SLC9C1: variants seen among roughly 807,000 people sequenced by gnomAD.
SLC9C1 encodes solute carrier family 9 member C1.
SLC9C1 carries 97 observed loss-of-function variants against 140.9 expected under a neutral mutation model. That is an observed-to-expected ratio of 0.69 (90% CI 0.58 to 0.82). The LOEUF (loss-of-function observed/expected upper bound fraction) is 0.82, where lower values mean the gene tolerates loss of function less well. Among genes scored for constraint, SLC9C1 ranks in the 40% least tolerant of loss-of-function variants. The pLI, the probability that SLC9C1 is intolerant of heterozygous loss-of-function variation, is 0.00. For missense variants in SLC9C1, 1,340 were observed against 1,389.3 expected, an observed-to-expected ratio of 0.96 and a Z score of 0.56; for synonymous variants, 440 against 442.6, an observed-to-expected ratio of 0.99 and a Z score of 0.07.
At chr3:112,222,207 T>C (rs1241745984) in intron 13 of SLC9C1, among the ~76,000 whole-genome samples, 2 of 152,188 alleles carry the variant, frequency 1.3e-5, no homozygotes, top group Admixed American at 1.3e-4. Flanking sequence ...CTGAAGATTA[T>C]ATGGATCTCG....
In SLC9C1 at chr3:112,180,661, T is replaced by C; in HGVS notation, c.2651A>G (p.Glu884Gly). 1 of 1,604,594 alleles carries C rather than the reference T, an allele frequency of 6.2e-7. No homozygotes were observed. The highest frequency in any genetic ancestry group is 8.5e-7 in the Non-Finnish European group (1 of 1,173,440). Residue 884 changes from glutamate to glycine, a missense_variant and splice_region_variant, in exon 22 of 29, where the codon GAA becomes GGA. Glu to Gly is a moderately conservative substitution (Grantham distance 98). Coordinates refer to ENST00000305815, the MANE Select transcript of SLC9C1 (RefSeq NM_183061.3). ...ATCAAATGTTACAACTTTGGCTTTT[T>C]CCTAAAAGATACCACCAAATACATA... ...KNKDYINFIQEKAKVVTFDCG... is the reference protein window; with the variant it reads ...KNKDYINFIQGKAKVVTFDCG...
intron 1 of SLC9C1, among the ~76,000 whole-genome samples, chr3:112,293,217 A>G (rs2080739357): frequency 6.6e-6 from 1 of 151,976 alleles, no homozygotes; most frequent in Non-Finnish European, 1.5e-5. Flanking sequence ...CAGAGATTGC[A>G]GTGAGCCTAG....
At chr3:112,225,500 A>C (rs1422395706) in intron 13 of SLC9C1, among the ~76,000 whole-genome samples, 3 of 151,618 alleles carry the variant, frequency 2.0e-5, no homozygotes, top group African/African-American at 7.3e-5. Flanking sequence ...GAAAAACACC[A>C]ATCTTCAAAG....
At chr3:112,151,028 G>A (rs1165968617) in intron 28 of SLC9C1, among the ~76,000 whole-genome samples, 1 of 151,386 alleles carries the variant, frequency 6.6e-6, no homozygotes, top group Non-Finnish European at 1.5e-5. Flanking sequence ...AATAGAGATG[G>A]GGTTTCACTA....
At chr3:112,159,606 C>T (rs1008268849) in intron 26 of SLC9C1, among the ~76,000 whole-genome samples, 3 of 151,930 alleles carry the variant, frequency 2.0e-5, no homozygotes, top group Non-Finnish European at 4.4e-5. Context: ...TTAACTCCAA[C>T]GTTTGTTTAT....
At chr3:112,285,054 TCGG>T (rs2080468908) in intron 2 of SLC9C1, among the ~76,000 whole-genome samples, 1 of 142,498 alleles carries the variant, frequency 7.0e-6, no homozygotes, top group Non-Finnish European at 1.5e-5. Context: ...TGGCATGATC[TCGG>T]CTCACTGCAA....
intron 5 of SLC9C1, among the ~76,000 whole-genome samples, chr3:112,275,399 A>G (rs1414390837): frequency 6.6e-6 from 1 of 152,214 alleles, no homozygotes; most frequent in Non-Finnish European, 1.5e-5. Context: ...CATGACATCC[A>G]AATAAAGTAT....
rs1452600705 is a variant in SLC9C1, at chr3:112,239,840, C to A, written c.1446G>T (p.Met482Ile). The A allele has an allele frequency of 1.2e-6, 2 of 1,603,746 alleles. No homozygotes were observed. The highest frequency in any genetic ancestry group is 1.7e-6 in the Non-Finnish European group (2 of 1,175,792). ...EKAITLENPYMLNEEETTEHQ... is the reference protein window; with the variant it reads ...EKAITLENPYILNEEETTEHQ... ...AATAAAAAAGATATTACTTGCTTAC[C>A]ATGTATGGGTTTTCAAGTGTAATTG... Residue 482 changes from methionine (M) to isoleucine (I), a missense_variant and splice_region_variant, in exon 12 of 29, where the codon ATG (methionine) becomes ATT (isoleucine). Coordinates refer to ENST00000305815, the MANE Select transcript of SLC9C1 (RefSeq NM_183061.3).
intron 8 of SLC9C1, among the ~76,000 whole-genome samples, chr3:112,264,649 T>C (rs1208836217): frequency 6.6e-6 from 1 of 151,968 alleles, no homozygotes; most frequent in Non-Finnish European, 1.5e-5. Context: ...CTAGAGGGCA[T>C]ATAGTGAAAA....
intron 10 of SLC9C1, among the ~76,000 whole-genome samples, chr3:112,262,152 C>T (rs1190072829): frequency 6.6e-6 from 1 of 151,954 alleles, no homozygotes; most frequent in Non-Finnish European, 1.5e-5. Flanking sequence ...GATCTGTGCA[C>T]AAGGTTAGCC....
chr3:112,187,544 T>C (rs986977519), intron 20 of SLC9C1, among the ~76,000 whole-genome samples: 2 of 152,182 alleles, frequency 1.3e-5, no homozygotes, highest in African/African-American at 4.8e-5. Flanking sequence ...AGCGAGACTG[T>C]GTCTTCAGGA....
At chr3:112,217,409 A>G (rs1576367388) in intron 15 of SLC9C1, 33 bp downstream of exon 15, 1 of 1,551,592 alleles carries the variant, frequency 6.4e-7, no homozygotes, top group Non-Finnish European at 8.6e-7. Flanking sequence ...AGTGAATATA[A>G]TAGCATTTCT....
intron 10 of SLC9C1, among the ~76,000 whole-genome samples, chr3:112,252,207 A>G (rs1272996227): frequency 6.6e-6 from 1 of 151,724 alleles, no homozygotes; most frequent in African/African-American, 2.4e-5. Context: ...TTCTGAGGTG[A>G]CTAGGGACTG....
intron 23 of SLC9C1, among the ~76,000 whole-genome samples, chr3:112,173,015 T>C (rs1333241762): frequency 1.3e-5 from 2 of 152,116 alleles, no homozygotes; most frequent in African/African-American, 4.8e-5. Flanking sequence ...TTTCTTTTGC[T>C]GAAATGTTTT....
intron 16 of SLC9C1, among the ~76,000 whole-genome samples, chr3:112,207,721 G>A (rs930083723): frequency 5.3e-5 from 8 of 152,076 alleles, no homozygotes; most frequent in Non-Finnish European, 7.4e-5. Context: ...TTCAACTCAA[G>A]TATTGCTTTC....
At chr3:112,168,244 CT>C (rs2077176127) in intron 25 of SLC9C1, among the ~76,000 whole-genome samples, 1 of 151,612 alleles carries the variant, frequency 6.6e-6, no homozygotes, top group East Asian at 1.9e-4. Flanking sequence ...CTTTGAATTA[CT>C]TTTTGTAGCT....
chr3:112,203,998 A>G lies in SLC9C1; in HGVS notation c.2172+220T>C, dbSNP rs1435259252. Among the ~76,000 whole-genome samples, 6 of 152,102 alleles carry G rather than the reference A, an allele frequency of 3.9e-5. No individual in the cohort carries two copies. In the East Asian group the frequency reaches 5.8e-4, roughly 15 times the overall value. On this transcript the variant is annotated intron_variant, in intron 17 of 28. Coordinates refer to ENST00000305815, the MANE Select transcript of SLC9C1 (RefSeq NM_183061.3). ...ATTTAAAGGAAAAGTTGTGATGAGT[A>G]TGTCTATACTTTCACATGCTAAACA...
chr3:112,175,302 G>A (rs1384066265), intron 23 of SLC9C1, among the ~76,000 whole-genome samples: 1 of 152,188 alleles, frequency 6.6e-6, no homozygotes, highest in Non-Finnish European at 1.5e-5. Context: ...AGCAGAGATG[G>A]TGGCCTGCCT....
chr3:112,234,586 C>T (rs1051141396), intron 12 of SLC9C1, among the ~76,000 whole-genome samples: 2 of 152,036 alleles, frequency 1.3e-5, no homozygotes, highest in African/African-American at 2.4e-5. Flanking sequence ...GCCTAGGTTT[C>T]CTTCTAGGGT....
Sources: gnomAD v4.1 joint callset for allele counts (sites outside exome capture counted in the v4.1 genomes callset) on GRCh38, gnomAD v4.1.1 for gene constraint, MANE v1.5 for transcripts, NCBI Gene and HGNC (gene_info 2026-07-23, HGNC 2026-07-21) for gene names.